Variants in DLGAP1 observed in about 807,000 individuals in gnomAD.
The protein encoded by DLGAP1 is disks large-associated protein 1.
Under a neutral mutation model 90.8 loss-of-function variants are expected in DLGAP1, and 11 were observed. That is an observed-to-expected ratio of 0.12 (90% confidence interval 0.08 to 0.20). DLGAP1 has a LOEUF of 0.20. DLGAP1 is among the 10% of genes least tolerant of loss of function. The pLI is 1.00. For synonymous variants in DLGAP1, 558 were observed against 540.7 expected (o/e 1.03, Z -0.44); for missense variants, 1,050 against 1,333.8 (o/e 0.79, Z 3.31).
At chr18:3,691,322 G>T (rs575702913) in intron 7 of DLGAP1, among the ~76,000 whole-genome samples, 1 of 152,158 alleles carries the variant, frequency 6.6e-6, no homozygotes, top group Non-Finnish European at 1.5e-5. Flanking sequence ...TAGCTACTGG[G>T]GAGGCTGAGG....
rs185931095 is a variant in DLGAP1, at chr18:3,859,961, T to C, written c.957+19151A>G. On this transcript the variant is annotated intron_variant, in intron 4 of 12. Coordinates refer to ENST00000315677, the MANE Select transcript of DLGAP1 (RefSeq NM_004746.4). The stretch of plus-strand genomic sequence containing the variant: ...AAAAATGCAAAAAATTAGCCAGGCG[T>C]GGTGGTGGGCATCTGTAGTCCCAGC... Among the ~76,000 whole-genome samples the C allele has an allele frequency of 5.1e-3, 771 of 151,940 alleles. 10 individuals carry two copies. The highest frequency in any genetic ancestry group is 0.018 in the African/African-American group (743 of 41,424).
chr18:4,064,095 G>C (rs1212579078), intron 2 of DLGAP1, among the ~76,000 whole-genome samples: 1 of 151,932 alleles, frequency 6.6e-6, no homozygotes, highest in Non-Finnish European at 1.5e-5. Flanking sequence ...AAGCTTTGTT[G>C]TCATTGATCT....
intron 5 of DLGAP1, among the ~76,000 whole-genome samples, chr18:3,790,112 T>C (rs757973345): frequency 2.6e-5 from 4 of 152,074 alleles, no homozygotes; most frequent in Non-Finnish European, 4.4e-5. Context: ...CAGTGGAAAA[T>C]TGTAAAATTC....
At chr18:3,903,973 T>A (rs536923808) in intron 3 of DLGAP1, among the ~76,000 whole-genome samples, 1 of 152,324 alleles carries the variant, frequency 6.6e-6, no homozygotes, top group African/African-American at 2.4e-5. Context: ...TTGCATGATC[T>A]CCTAGAGAGA....
Position 3,832,597 on chromosome 18 carries a change from C to T in DLGAP1, c.958-18324G>A, listed in dbSNP as rs1216024060. On this transcript the variant is annotated intron_variant, in intron 4 of 12. Coordinates refer to ENST00000315677, the MANE Select transcript of DLGAP1 (RefSeq NM_004746.4). ...TTGACAAAGGAATCATGTTATTTTT[C>T]CTTGCAGTGGATTTAGATAAACATC... 2.0e-5 allele frequency among the ~76,000 whole-genome samples: 3 copies of T among 151,574 alleles called. No homozygotes were observed. The East Asian group carries it at 5.8e-4, about 29-fold the overall frequency.
chr18:4,238,802 C>T (rs2078470829), intron 1 of DLGAP1, among the ~76,000 whole-genome samples: 1 of 152,116 alleles, frequency 6.6e-6, no homozygotes, highest in Non-Finnish European at 1.5e-5. Flanking sequence ...AAAGATCTCT[C>T]CAAGAGTAAT....
chr18:3,754,593 A>G (rs1031373742), intron 5 of DLGAP1, among the ~76,000 whole-genome samples: 2 of 151,820 alleles, frequency 1.3e-5, no homozygotes, highest in African/African-American at 4.8e-5. Flanking sequence ...ACTATATTAT[A>G]AAAGAGGGGT....
At chr18:4,022,408 T>TACACACACAC (rs10626913) in intron 2 of DLGAP1, among the ~76,000 whole-genome samples, 2 of 149,092 alleles carry the variant, frequency 1.3e-5, no homozygotes, top group East Asian at 1.9e-4. Context: ...TTCTACCTTT[T>TACACACACAC]ACACACACAC....
chr18:4,103,644 T>C (rs2075814990), intron 2 of DLGAP1, among the ~76,000 whole-genome samples: 1 of 152,196 alleles, frequency 6.6e-6, no homozygotes, highest in Non-Finnish European at 1.5e-5. Context: ...ATACCTGAGA[T>C]AACAGGTAAA....
intron 1 of DLGAP1, among the ~76,000 whole-genome samples, chr18:4,304,089 C>T (rs1229269120): frequency 6.6e-6 from 1 of 152,160 alleles, no homozygotes; most frequent in African/African-American, 2.4e-5. Flanking sequence ...TTGGCATGTA[C>T]ATTTTTTAGT....
Position 3,895,305 on chromosome 18 carries a change from A to ACG in DLGAP1, c.-72-15166_-72-15165insCG, listed in dbSNP as rs1428850601. Among the ~76,000 whole-genome samples the ACG allele has an allele frequency of 2.6e-5, 4 of 151,128 alleles. 1 individual carries two copies. In the East Asian group the frequency reaches 7.7e-4, roughly 29 times the overall value. On this transcript the variant is annotated intron_variant, in intron 3 of 12. Coordinates refer to ENST00000315677, the MANE Select transcript of DLGAP1 (RefSeq NM_004746.4). Reference sequence around the variant, plus strand: ...TACACACACACACACACACACACACACACACACACACACACATCATCATCA... The same window carrying ACG: ...TACACACACACACACACACACACACACGCACACACACACACACATCATCATCA...
At chr18:3,734,889 G>A (rs879499578) in intron 6 of DLGAP1, among the ~76,000 whole-genome samples, 9 of 152,100 alleles carry the variant, frequency 5.9e-5, no homozygotes, top group Admixed American at 1.3e-4. Flanking sequence ...TTGCCACACA[G>A]AAATATTTAA....
chr18:3,631,201 C>T (rs1467294661), intron 7 of DLGAP1, among the ~76,000 whole-genome samples: 3 of 151,782 alleles, frequency 2.0e-5, no homozygotes, highest in Non-Finnish European at 4.4e-5. Context: ...TCAGGCTAGC[C>T]TTGAACTCCT....
At chr18:4,311,864 C>T (rs547101284) in intron 1 of DLGAP1, among the ~76,000 whole-genome samples, 26 of 152,212 alleles carry the variant, frequency 1.7e-4, no homozygotes, top group African/African-American at 3.9e-4. Flanking sequence ...TACAGGTGCC[C>T]GCCACCACGC....
intron 7 of DLGAP1, among the ~76,000 whole-genome samples, chr18:3,610,828 C>G (rs890149932): frequency 6.6e-6 from 1 of 151,192 alleles, no homozygotes; most frequent in Admixed American, 6.6e-5. Context: ...GACAGTGAGA[C>G]TCTGTCCCTC....
At chr18:4,149,456 C>T (rs577365344) in intron 2 of DLGAP1, among the ~76,000 whole-genome samples, 28 of 152,258 alleles carry the variant, frequency 1.8e-4, no homozygotes, top group African/African-American at 5.1e-4. Flanking sequence ...GCAACAGATG[C>T]GGCTGGCTCC....
rs894181264 is a variant in DLGAP1, at chr18:3,694,930, G to GT, written c.1591+34204dup. On this transcript the variant is annotated intron_variant, in intron 7 of 12. Coordinates refer to ENST00000315677, the MANE Select transcript of DLGAP1 (RefSeq NM_004746.4). ...GGCTTTTGTCCCTATTGCTTTTGGT[G>GT]TTTTTTTTGTTTTTTTTTTTTTTTT... Among the ~76,000 whole-genome samples, 141 of 128,094 alleles carry GT rather than the reference G, an allele frequency of 1.1e-3. 3 individuals are homozygous for GT. Among genetic ancestry groups the GT allele is most frequent in the Middle Eastern group, 4.1e-3 (1 of 246 alleles). 84.0% of individuals were successfully genotyped at this position (128,094 alleles called of 152,430 possible). A position where few individuals can be genotyped will look rare whatever the true frequency, so the allele number is the denominator to read the frequency against.
chr18:4,342,759 G>T lies in DLGAP1; in HGVS notation c.-267+112247C>A, dbSNP rs1033343291. On this transcript the variant is annotated intron_variant, in intron 1 of 12. Coordinates refer to ENST00000315677, the MANE Select transcript of DLGAP1 (RefSeq NM_004746.4). This position sits in a 1 kb window ranked among gnomAD's most constrained non-coding sequence, Gnocchi z 5.8. ...CTTACACAATTAAGTTATTTTAAAA[G>T]ACACTGGAAATAAACCCCCCAAAAT... 6.6e-6 allele frequency among the ~76,000 whole-genome samples: 1 copy of T among 152,058 alleles called. No individual in the cohort carries two copies. Among genetic ancestry groups the T allele is most frequent in the African/African-American group, 2.4e-5 (1 of 41,412 alleles).
intron 7 of DLGAP1, among the ~76,000 whole-genome samples, chr18:3,602,802 T>C (rs1278752920): frequency 6.6e-6 from 1 of 152,144 alleles, no homozygotes; most frequent in African/African-American, 2.4e-5. Flanking sequence ...TCTAGCATCA[T>C]AGGTCAAAGA....
Sources: allele counts gnomAD v4.1 joint callset (sites outside exome capture counted in the v4.1 genomes callset), GRCh38; gene constraint gnomAD v4.1.1; non-coding constraint Gnocchi (gnomAD v3.1); transcripts MANE v1.5; gene names NCBI Gene and HGNC (gene_info 2026-07-23, HGNC 2026-07-21).